The following DENND5B variants were observed in gnomAD, a reference collection of about 807,000 sequenced individuals.
The protein encoded by DENND5B is DENN domain-containing protein 5B.
Under a neutral mutation model 140.6 loss-of-function variants are expected in DENND5B, and 34 were observed. The observed-to-expected ratio is 0.24, with a 90% CI of 0.18 to 0.32. The LOEUF is 0.32. Among genes scored for constraint, DENND5B ranks in the 10% least tolerant of loss-of-function variants. DENND5B has a pLI of 1.00. For missense variants in DENND5B, 1,142 were observed against 1,560.2 expected, an observed-to-expected ratio of 0.73 and a Z score of 4.52; for synonymous variants, 551 against 562.1, an observed-to-expected ratio of 0.98 and a Z score of 0.28.
chr12:31,458,866 T>C (rs1005937152), intron 4 of DENND5B, among the ~76,000 whole-genome samples: 4 of 152,300 alleles, frequency 2.6e-5, no homozygotes, highest in East Asian at 3.9e-4. Context: ...CACACTCTTA[T>C]CCATATTTCA....
At position 31,454,979 on chromosome 12, in the gene DENND5B, C is replaced by T. The variant is rs572023337; in HGVS notation, c.1093-2503G>A. On this transcript the variant is annotated intron_variant, in intron 4 of 20. Transcript: ENST00000389082. ...GACTACAGGTGCCTGCCACCACGCCCGGCTAATTTTTTTTGTATTTTTAGC... is the reference window on the plus strand; with the variant it reads ...GACTACAGGTGCCTGCCACCACGCCTGGCTAATTTTTTTTGTATTTTTAGC... 4.6e-5 allele frequency among the ~76,000 whole-genome samples: 7 copies of T among 151,882 alleles called. 1 individual carries two copies. Among genetic ancestry groups the T allele is most frequent in the South Asian group, 2.1e-4 (1 of 4,794 alleles).
At position 31,490,625 on chromosome 12, in the gene DENND5B, A is replaced by AT. The variant is rs35318336; in HGVS notation, c.237+5184dup. Among the ~76,000 whole-genome samples, 1,461 of 151,240 alleles carry AT rather than the reference A, an allele frequency of 9.7e-3. 26 individuals are homozygous for AT. Among genetic ancestry groups the AT allele is most frequent in the African/African-American group, 0.034 (1,381 of 41,160 alleles). On this transcript the variant is annotated intron_variant, in intron 2 of 20. Coordinates refer to ENST00000389082, the MANE Select transcript of DENND5B (RefSeq NM_144973.4). ...GAACCTGTCTCAAGAAAAAAAAAAA[A>AT]TTTTATTGTGAGCTTGAACCTAAAC...
chr12:31,518,667 T>C (rs1474456834), intron 1 of DENND5B, among the ~76,000 whole-genome samples: 2 of 152,098 alleles, frequency 1.3e-5, no homozygotes, highest in Non-Finnish European at 2.9e-5. Flanking sequence ...CCTTCCCTTC[T>C]CAAACTAACT....
chr12:31,412,364 G>A (rs1942505353), intron 13 of DENND5B, among the ~76,000 whole-genome samples: 1 of 152,218 alleles, frequency 6.6e-6, no homozygotes. Flanking sequence ...TTTGGCGCCA[G>A]GGACCTGTTT....
chr12:31,454,073 C>G (rs1304681663), intron 4 of DENND5B, among the ~76,000 whole-genome samples: 1 of 149,534 alleles, frequency 6.7e-6, no homozygotes, highest in Non-Finnish European at 1.5e-5. Flanking sequence ...CCTCAGGAGG[C>G]AGAGGTTGCA....
intron 3 of DENND5B, among the ~76,000 whole-genome samples, chr12:31,463,201 G>C (rs977554000): frequency 2.6e-5 from 4 of 152,236 alleles, no homozygotes; most frequent in African/African-American, 9.6e-5. Context: ...AGAGGTTGCA[G>C]TGAGCTGCGA....
rs758574471 is a variant in DENND5B at position 31,398,506 on chromosome 12, T to TACAAGACAA, written c.3069-145_3069-144insTTGTCTTGT. 6.9e-4 allele frequency: 492 copies of TACAAGACAA among 710,156 alleles called. 2 individuals carry two copies. Among genetic ancestry groups the TACAAGACAA allele is most frequent in the Non-Finnish European group, 8.7e-4 (392 of 451,124 alleles). 44.0% of individuals were successfully genotyped at this position (710,156 alleles called of 1,614,324 possible). On this transcript the variant is annotated intron_variant, in intron 16 of 20. Transcript: ENST00000389082. ...TTTTTATAGAGAGGTCTCATTACAT[T>TACAAGACAA]GCCCAGGCTGGTCTTGAACTCTTGG... is the stretch of plus-strand genomic sequence containing the variant.
rs779356378 is a variant in DENND5B at position 31,398,160 on chromosome 12, T to C, written c.3256+15A>G. 76 of 1,562,036 alleles carry C rather than the reference T, an allele frequency of 4.9e-5. No individual in the cohort carries two copies. The highest frequency in any genetic ancestry group is 6.3e-5 in the Non-Finnish European group (73 of 1,154,110). ...ACATCATAGGAGCACATAAGAAAAA[T>C]TTAAATAAATTTACTGTTGTTTTTT... On this transcript the variant is annotated intron_variant, in intron 17 of 20. Transcript: ENST00000389082.
At chr12:31,522,151 A>T (rs1591976085) in intron 1 of DENND5B, among the ~76,000 whole-genome samples, 1 of 152,336 alleles carries the variant, frequency 6.6e-6, no homozygotes, top group East Asian at 1.9e-4. Context: ...CTCATGGTGC[A>T]GAGTTACATT....
At chr12:31,546,705 G>C (rs983096965) in intron 1 of DENND5B, among the ~76,000 whole-genome samples, 1 of 151,958 alleles carries the variant, frequency 6.6e-6, no homozygotes, top group Admixed American at 6.6e-5. Flanking sequence ...TTATTTCCAA[G>C]AGTATAAAAT....
chr12:31,523,558 A>AAT (rs1171165158), intron 1 of DENND5B, among the ~76,000 whole-genome samples: 1 of 152,160 alleles, frequency 6.6e-6, no homozygotes, highest in Non-Finnish European at 1.5e-5. Flanking sequence ...CCATCTTATT[A>AAT]GCATCTTATT....
chr12:31,387,891 C>T, intron 20 of DENND5B, 105 bp from the exon 21 acceptor site: 1 of 1,151,138 alleles, frequency 8.7e-7, no homozygotes, highest in Admixed American at 2.6e-5. Flanking sequence ...CTTGATGGTA[C>T]AAAATGTATC....
intron 7 of DENND5B, among the ~76,000 whole-genome samples, chr12:31,441,473 C>T (rs141712580): frequency 0.02 from 3,090 of 152,036 alleles, 55 homozygotes; most frequent in South Asian, 0.053. Context: ...CAGGCGTGAG[C>T]CACCGTGCCT....
intron 2 of DENND5B, among the ~76,000 whole-genome samples, chr12:31,487,282 C>T (rs1350659566): frequency 1.3e-5 from 2 of 152,112 alleles, no homozygotes; most frequent in Non-Finnish European, 2.9e-5. Flanking sequence ...GCCACTTATT[C>T]CTAGTCTTAG....
chr12:31,557,013 A>C (rs1386455748), intron 1 of DENND5B, among the ~76,000 whole-genome samples: 2 of 152,200 alleles, frequency 1.3e-5, no homozygotes. Context: ...GAGAATCTGT[A>C]AATAAGGATA....
At chr12:31,447,311 C>A (rs1390887814) in intron 6 of DENND5B, among the ~76,000 whole-genome samples, 1 of 151,978 alleles carries the variant, frequency 6.6e-6, no homozygotes, top group African/African-American at 2.4e-5. Context: ...ACCTTCCAGA[C>A]ATACTTGATT....
intron 3 of DENND5B, among the ~76,000 whole-genome samples, chr12:31,473,866 A>C (rs1945669003): frequency 6.6e-6 from 1 of 152,218 alleles, no homozygotes. Flanking sequence ...AGAGATTCTC[A>C]CATATAGGGA....
chr12:31,474,242 A>G (rs1945689422), intron 3 of DENND5B, among the ~76,000 whole-genome samples: 2 of 152,082 alleles, frequency 1.3e-5, no homozygotes, highest in Middle Eastern at 6.8e-3. Flanking sequence ...AAAGGAGGTA[A>G]GCAAGGCCCA....
Position 31,451,973 on chromosome 12 carries a change from C to G in DENND5B, c.1596G>C (p.Leu532=), listed in dbSNP as rs1274768714. Residue 532 remains leucine, a synonymous_variant, in exon 5 of 21, where the codon CTG becomes CTC. Transcript: ENST00000389082. ...AGTTCTGCATCTGTTCCCGGTTGGT[C>G]AGCCAGGATTCCATGTCCTGGGCAG... is the stretch of plus-strand genomic sequence containing the variant. ...IQTAQDMESW[L]TNREQMQNFD... The G allele has an allele frequency of 2.5e-6, 4 of 1,613,462 alleles. No individual in the cohort carries two copies. The highest frequency in any genetic ancestry group is 3.4e-6 in the Non-Finnish European group (4 of 1,179,796).
Sources: gnomAD v4.1 joint callset for allele counts (sites outside exome capture counted in the v4.1 genomes callset) on GRCh38, gnomAD v4.1.1 for gene constraint, MANE v1.5 for transcripts, NCBI Gene and HGNC (gene_info 2026-07-23, HGNC 2026-07-21) for gene names.